Variants in ANKRD28 observed in about 807,000 individuals in gnomAD.
ANKRD28 encodes the protein ankyrin repeat domain 28, also known as serine/threonine-protein phosphatase 6 regulatory ankyrin repeat subunit A.
In ANKRD28, 44 loss-of-function variants were observed where a neutral mutation model predicts 126.5. That is an observed-to-expected ratio of 0.35 (90% CI 0.27 to 0.45). The LOEUF (loss-of-function observed/expected upper bound fraction) is 0.45, where lower values mean the gene tolerates loss of function less well. ANKRD28 is among the 20% of genes least tolerant of loss of function. The pLI, the probability that ANKRD28 is intolerant of heterozygous loss-of-function variation, is 1.00. For synonymous variants in ANKRD28, 442 were observed against 468.5 expected (o/e 0.94, Z 0.73); for missense variants, 1,110 against 1,316.6 (o/e 0.84, Z 2.43).
chr3:15,807,495 A>G (rs1445857477), intron 1 of ANKRD28, among the ~76,000 whole-genome samples: 2 of 152,242 alleles, frequency 1.3e-5, no homozygotes, highest in Non-Finnish European at 2.9e-5. Flanking sequence ...AGAATACTTT[A>G]GGATGAAATA....
intron 18 of ANKRD28, among the ~76,000 whole-genome samples, chr3:15,686,946 CTT>C (rs368116430): frequency 2.0e-4 from 28 of 140,872 alleles, no homozygotes; most frequent in Admixed American, 2.1e-4. Flanking sequence ...CCTGATATTG[CTT>C]TTTTTTTTTT....
chr3:15,793,803 C>T (rs961209427), intron 2 of ANKRD28, among the ~76,000 whole-genome samples: 3 of 152,210 alleles, frequency 2.0e-5, no homozygotes, highest in Admixed American at 6.5e-5. Flanking sequence ...CAGTGCCTCA[C>T]GCCTGTAATC....
At chr3:15,856,248 A>G (rs1393959416) in intron 1 of ANKRD28, among the ~76,000 whole-genome samples, 2 of 152,198 alleles carry the variant, frequency 1.3e-5, no homozygotes, top group Admixed American at 1.3e-4. Flanking sequence ...AATGGCTTGA[A>G]GCTAGGCAGC....
At position 15,830,825 on chromosome 3, in the gene ANKRD28, C is replaced by T. The variant is rs985220702; in HGVS notation, c.27+28552G>A. Among the ~76,000 whole-genome samples, 4 of 152,018 alleles carry T rather than the reference C, an allele frequency of 2.6e-5. No individual in the cohort carries two copies. The highest frequency in any genetic ancestry group is 7.2e-5 in the African/African-American group (3 of 41,392). On this transcript the variant is annotated intron_variant, in intron 1 of 27. Transcript: ENST00000399451. This position sits in a 1 kb window ranked among gnomAD's most constrained non-coding sequence, Gnocchi z 4.5. ...GATTCTTGGTGGGACCTTTAAGTCA[C>T]GGAGTATCAGCTTGACCTCTGGAGG...
chr3:15,702,644 T>G (rs1318707930), intron 14 of ANKRD28, among the ~76,000 whole-genome samples: 1 of 152,184 alleles, frequency 6.6e-6, no homozygotes, highest in East Asian at 1.9e-4. Flanking sequence ...TCATGAACCC[T>G]ACTATTTTGA....
rs940324451 is a variant in ANKRD28, at chr3:15,853,659, T to C, written c.27+5718A>G. Among the ~76,000 whole-genome samples the C allele has an allele frequency of 1.3e-5, 2 of 151,852 alleles. No homozygotes were observed. On this transcript the variant is annotated intron_variant, in intron 1 of 27. Transcript: ENST00000399451. This position sits in a 1 kb window ranked among gnomAD's most constrained non-coding sequence, Gnocchi z 4.2. ...TAATTTTTTGTATTTTTAGTAGAGA[T>C]GGGGTTTCACCGTGTTAGCCAGGAT...
At chr3:15,828,054 A>G (rs2061106620) in intron 1 of ANKRD28, among the ~76,000 whole-genome samples, 1 of 152,204 alleles carries the variant, frequency 6.6e-6, no homozygotes, top group African/African-American at 2.4e-5. Flanking sequence ...ATTATTAAAA[A>G]TTGTTAGTAG....
intron 1 of ANKRD28, among the ~76,000 whole-genome samples, chr3:15,858,278 T>C (rs1001388146): frequency 3.9e-5 from 6 of 152,324 alleles, no homozygotes; most frequent in East Asian, 3.9e-4. Context: ...GACTAAACCG[T>C]AGTTTTTCAA....
intron 8 of ANKRD28, 77 bp from the exon 9 acceptor site, chr3:15,714,733 CT>C: frequency 1.1e-6 from 1 of 934,026 alleles, no homozygotes; most frequent in African/African-American, 1.7e-5. Context: ...TGAATACCCT[CT>C]TGCATCTTTA....
chr3:15,758,751 C>T (rs572146307), intron 3 of ANKRD28, among the ~76,000 whole-genome samples: 51 of 152,184 alleles, frequency 3.4e-4, no homozygotes, highest in African/African-American at 1.0e-3. Context: ...TTGTTTAAGC[C>T]GCCCAGTTTG....
Position 15,741,736 on chromosome 3 carries a change from T to A in ANKRD28, c.352-4503A>T, listed in dbSNP as rs867623543. Among the ~76,000 whole-genome samples, 115 of 98,182 alleles carry A rather than the reference T, an allele frequency of 1.2e-3. 2 individuals are homozygous for A. Among genetic ancestry groups the A allele is most frequent in the East Asian group, 3.3e-3 (10 of 3,014 alleles). The allele number at this position is 98,182 out of a possible 152,430, so 64.4% of individuals were successfully genotyped here. On this transcript the variant is annotated intron_variant, in intron 4 of 27. Coordinates refer to ENST00000683139, the MANE Select transcript of ANKRD28 (RefSeq NM_001349278.2). Reference sequence around the variant, plus strand: ...TTTTTTTTTTTTTTTTTTTTTTTTTTTAGCAATTCTTACCATTGATTTGAA... The same window carrying A: ...TTTTTTTTTTTTTTTTTTTTTTTTTATAGCAATTCTTACCATTGATTTGAA...
chr3:15,823,526 A>C (rs1454154167), intron 1 of ANKRD28, among the ~76,000 whole-genome samples: 1 of 152,230 alleles, frequency 6.6e-6, no homozygotes, highest in Non-Finnish European at 1.5e-5. Flanking sequence ...GGAGAACTTG[A>C]ATATTCTTCA....
chr3:15,758,099 G>C (rs1247377688), intron 3 of ANKRD28, among the ~76,000 whole-genome samples: 1 of 152,108 alleles, frequency 6.6e-6, no homozygotes, highest in Non-Finnish European at 1.5e-5. Flanking sequence ...CTTTATACAT[G>C]TTTGTAATAA....
chr3:15,674,196 A>AAAAAAAG (rs1470515364), intron 27 of ANKRD28, among the ~76,000 whole-genome samples: 5,185 of 128,446 alleles, frequency 0.04, 457 homozygotes, highest in East Asian at 0.12. Context: ...AAAAAAAAAA[A>AAAAAAAG]AAGAAGAAGA....
intron 6 of ANKRD28, among the ~76,000 whole-genome samples, chr3:15,734,744 G>A (rs537036932): frequency 1.3e-5 from 2 of 152,278 alleles, no homozygotes; most frequent in East Asian, 3.9e-4. Flanking sequence ...TGCTGTTTTT[G>A]TGCATTTAAA....
intron 1 of ANKRD28, among the ~76,000 whole-genome samples, chr3:15,857,884 CA>C (rs1187247675): frequency 2.0e-5 from 3 of 152,214 alleles, no homozygotes; most frequent in African/African-American, 7.2e-5. Flanking sequence ...GTCATTACTT[CA>C]ACCATTAACA....
At chr3:15,700,566 G>T (rs536341741) in intron 14 of ANKRD28, among the ~76,000 whole-genome samples, 2 of 152,220 alleles carry the variant, frequency 1.3e-5, no homozygotes, top group African/African-American at 4.8e-5. Flanking sequence ...ATGAGGCCAA[G>T]AGATCAAGAC....
At chr3:15,753,869 G>A (rs552882144) in intron 3 of ANKRD28, among the ~76,000 whole-genome samples, 119 of 152,150 alleles carry the variant, frequency 7.8e-4, no homozygotes, top group Middle Eastern at 3.4e-3. Flanking sequence ...ACTTGAACCC[G>A]GGAGGAAGAG....
intron 18 of ANKRD28, among the ~76,000 whole-genome samples, chr3:15,689,403 T>A (rs1444259327): frequency 6.6e-6 from 1 of 152,188 alleles, no homozygotes; most frequent in South Asian, 2.1e-4. Flanking sequence ...TCTGCAGCCA[T>A]CATCAAAAGA....
Sources: allele counts gnomAD v4.1 joint callset (sites outside exome capture counted in the v4.1 genomes callset), GRCh38; gene constraint gnomAD v4.1.1; non-coding constraint Gnocchi (gnomAD v3.1); transcripts MANE v1.5; gene names NCBI Gene and HGNC (gene_info 2026-07-23, HGNC 2026-07-21).